Variants in CNTLN observed in about 807,000 individuals in gnomAD.
The protein encoded by CNTLN is centlein.
CNTLN carries 212 observed loss-of-function variants against 180.0 expected under a neutral mutation model. The ratio of observed to expected loss-of-function variants is 1.18; its 90% confidence interval spans 1.05 to 1.32. The LOEUF is 1.32. Ranked by LOEUF, CNTLN falls within the 40% of genes most tolerant of loss-of-function variation. CNTLN has a pLI of 0.00. For synonymous variants in CNTLN, 722 were observed against 563.1 expected (o/e 1.28, Z -3.99); for missense variants, 2,095 against 1,610.9 (o/e 1.30, Z -5.14).
At chr9:17,262,397 A>G (rs1218262472) in intron 5 of CNTLN, among the ~76,000 whole-genome samples, 1 of 151,602 alleles carries the variant, frequency 6.6e-6, no homozygotes, top group Non-Finnish European at 1.5e-5. Flanking sequence ...ATGCAGCCAT[A>G]AAAGAGAATG....
intron 12 of CNTLN, among the ~76,000 whole-genome samples, chr9:17,362,394 G>C (rs1437552230): frequency 6.6e-6 from 1 of 152,084 alleles, no homozygotes; most frequent in Non-Finnish European, 1.5e-5. Flanking sequence ...TAATGGACCT[G>C]GGAAGCTGCC....
the CNTLN span, among the ~76,000 whole-genome samples, chr9:17,522,097 G>T: frequency 6.6e-6 from 1 of 152,094 alleles, no homozygotes; most frequent in Non-Finnish European, 1.5e-5. Context: ...TGCTATGATA[G>T]TCTCAGTTTC....
At chr9:17,314,193 A>T (rs1260537589) in intron 8 of CNTLN, among the ~76,000 whole-genome samples, 1 of 152,204 alleles carries the variant, frequency 6.6e-6, no homozygotes, top group African/African-American at 2.4e-5. Flanking sequence ...TTGTTATAGT[A>T]GTTAAAATAG....
chr9:17,332,882 G>T (rs925182121), intron 10 of CNTLN, 152 bp downstream of exon 10: 6 of 391,220 alleles, frequency 1.5e-5, no homozygotes, highest in Middle Eastern at 1.5e-3. Flanking sequence ...TTGTTATTAA[G>T]ATTTCTGAGG....
intron 2 of CNTLN, among the ~76,000 whole-genome samples, chr9:17,184,281 T>C (rs1037792222): frequency 2.6e-5 from 4 of 152,008 alleles, no homozygotes; most frequent in African/African-American, 4.8e-5. Context: ...TTTTGGAATT[T>C]GAATTTTCAA....
chr9:17,161,430 A>T (rs937412481), intron 2 of CNTLN, among the ~76,000 whole-genome samples: 25 of 152,174 alleles, frequency 1.6e-4, no homozygotes, highest in African/African-American at 5.1e-4. Context: ...TTGTCTTTAA[A>T]TGCATAAGGA....
At chr9:17,281,292 T>A (rs1309895190) in intron 6 of CNTLN, among the ~76,000 whole-genome samples, 1 of 152,180 alleles carries the variant, frequency 6.6e-6, no homozygotes, top group African/African-American at 2.4e-5. Context: ...AAATTAATTT[T>A]GTTTCAAGTT....
At chr9:17,257,300 A>G (rs1214002926) in intron 5 of CNTLN, among the ~76,000 whole-genome samples, 1 of 152,152 alleles carries the variant, frequency 6.6e-6, no homozygotes, top group African/African-American at 2.4e-5. Flanking sequence ...TACAAAGGAC[A>G]TGAACTCATC....
chr9:17,493,860 T>C (rs1000461686), intron 25 of CNTLN, among the ~76,000 whole-genome samples: 20 of 152,222 alleles, frequency 1.3e-4, no homozygotes, highest in African/African-American at 3.9e-4. Flanking sequence ...TTTCTCCTTA[T>C]ATTGACCAGA....
the CNTLN span, among the ~76,000 whole-genome samples, chr9:17,509,284 G>A: frequency 1.3e-5 from 2 of 152,166 alleles, no homozygotes; most frequent in Non-Finnish European, 2.9e-5. Flanking sequence ...CTACCTGGTG[G>A]CATGTTGATT....
At chr9:17,449,057 A>G (rs1421131940) in intron 18 of CNTLN, among the ~76,000 whole-genome samples, 1 of 152,162 alleles carries the variant, frequency 6.6e-6, no homozygotes, top group Non-Finnish European at 1.5e-5. Context: ...TAAGCATGTC[A>G]TATGTAAGTC....
chr9:17,144,016 T>G (rs1818282133), intron 2 of CNTLN, among the ~76,000 whole-genome samples: 1 of 152,232 alleles, frequency 6.6e-6, no homozygotes, highest in Non-Finnish European at 1.5e-5. Context: ...GCTTTCTTAG[T>G]AAATGGATTT....
At chr9:17,386,623 G>A (rs1342132799) in intron 13 of CNTLN, among the ~76,000 whole-genome samples, 1 of 151,974 alleles carries the variant, frequency 6.6e-6, no homozygotes, top group Non-Finnish European at 1.5e-5. Flanking sequence ...GTATAAACCG[G>A]TGAAGGGGAG....
intron 19 of CNTLN, among the ~76,000 whole-genome samples, chr9:17,462,014 G>T (rs1050138165): frequency 2.0e-5 from 3 of 151,940 alleles, no homozygotes; most frequent in Middle Eastern, 3.4e-3. Context: ...TACAAATAAT[G>T]TAATAAGTAG....
intron 18 of CNTLN, among the ~76,000 whole-genome samples, chr9:17,442,543 C>T (rs562557182): frequency 8.1e-4 from 124 of 152,188 alleles, no homozygotes; most frequent in African/African-American, 2.7e-3. Flanking sequence ...GGATTACAGG[C>T]GCGAGCCACC....
At position 17,395,086 on chromosome 9, in the gene CNTLN, C is replaced by CTTA; in HGVS notation, c.2615+18_2615+20dup. The CTTA allele has an allele frequency of 6.3e-7, 1 of 1,589,428 alleles. No homozygotes were observed. Among genetic ancestry groups the CTTA allele is most frequent in the East Asian group, 2.2e-5 (1 of 44,586 alleles). On this transcript the variant is annotated intron_variant, in intron 15 of 25. Transcript: ENST00000380647. ...TGAAAGCAGGTAAGGCTCTCATTAA[C>CTTA]TTAGCTCTGTGGTGGGGACACTGCG... is the stretch of plus-strand genomic sequence containing the variant.
At chr9:17,293,681 G>T (rs979213113) in intron 6 of CNTLN, among the ~76,000 whole-genome samples, 2 of 152,196 alleles carry the variant, frequency 1.3e-5, no homozygotes, top group African/African-American at 2.4e-5. Context: ...GCCACCCCTT[G>T]CCCCTACTCC....
intron 6 of CNTLN, among the ~76,000 whole-genome samples, chr9:17,295,104 G>A (rs927356982): frequency 1.3e-5 from 2 of 150,776 alleles, no homozygotes; most frequent in Non-Finnish European, 3.0e-5. Context: ...CCGGGCTGGC[G>A]GGGCTGGCTG....
Position 17,414,370 on chromosome 9 carries a change from C to T in CNTLN, c.2797-1418C>T, listed in dbSNP as rs1376935769. Among the ~76,000 whole-genome samples the T allele has an allele frequency of 3.3e-5, 5 of 152,124 alleles. No individual in the cohort carries two copies. In the East Asian group the frequency reaches 7.7e-4, roughly 23 times the overall value. On this transcript the variant is annotated intron_variant, in intron 16 of 25. Transcript: ENST00000380647. Reference sequence around the variant, plus strand: ...AGTAATAGTACTGGAAACAGAAGCCCACTTCTTTGTAATTTAATTTTAGCT... The same window carrying T: ...AGTAATAGTACTGGAAACAGAAGCCTACTTCTTTGTAATTTAATTTTAGCT...
Sources: allele counts gnomAD v4.1 joint callset (sites outside exome capture counted in the v4.1 genomes callset), GRCh38; gene constraint gnomAD v4.1.1; transcripts MANE v1.5; gene names NCBI Gene and HGNC (gene_info 2026-07-23, HGNC 2026-07-21).